The following CNTLN variants were observed in gnomAD, a reference collection of about 807,000 sequenced individuals.
The protein encoded by CNTLN is centlein.
In CNTLN, 212 loss-of-function variants were observed where a neutral mutation model predicts 180.0. That is an observed-to-expected ratio of 1.18 (90% CI 1.05 to 1.32). The LOEUF is 1.32. Ranked by LOEUF, CNTLN falls within the 40% of genes most tolerant of loss-of-function variation. CNTLN has a pLI of 0.00. For synonymous variants in CNTLN, 722 were observed against 563.1 expected, an observed-to-expected ratio of 1.28 and a Z score of -3.99; for missense variants, 2,095 against 1,610.9, an observed-to-expected ratio of 1.30 and a Z score of -5.14.
chr9:17,441,285 C>A (rs1830092620), intron 18 of CNTLN, among the ~76,000 whole-genome samples: 1 of 152,026 alleles, frequency 6.6e-6, no homozygotes, highest in Non-Finnish European at 1.5e-5. Flanking sequence ...ATAAAGGTCA[C>A]TGGTAAAGGT....
At chr9:17,296,350 T>G (rs1817935413) in intron 6 of CNTLN, among the ~76,000 whole-genome samples, 1 of 152,110 alleles carries the variant, frequency 6.6e-6, no homozygotes, top group South Asian at 2.1e-4. Context: ...GATACATATA[T>G]TTTGTTGTAC....
chr9:17,460,735 C>T (rs999610900), intron 19 of CNTLN, among the ~76,000 whole-genome samples: 1 of 151,690 alleles, frequency 6.6e-6, no homozygotes, highest in African/African-American at 2.4e-5. Flanking sequence ...CATAATACAG[C>T]CTTAAGTCTA....
chr9:17,394,401 C>G (rs1826332160), intron 14 of CNTLN, 133 bp from the exon 15 acceptor site: 3 of 740,886 alleles, frequency 4.0e-6, no homozygotes, highest in Admixed American at 3.7e-5. Context: ...TTAGAATTAT[C>G]TAGAAATTAA....
At chr9:17,447,829 G>A (rs1222664980) in intron 18 of CNTLN, 1 of 153,078 alleles carries the variant, frequency 6.5e-6, no homozygotes, top group Non-Finnish European at 1.5e-5. Context: ...CTGTCCTTAA[G>A]TGACAGCCCA....
chr9:17,235,533 G>A (rs969445402), intron 3 of CNTLN, 125 bp from the exon 4 acceptor site: 7 of 746,638 alleles, frequency 9.4e-6, no homozygotes, highest in South Asian at 1.9e-5. Flanking sequence ...GAATTGTGGT[G>A]ACAGACATTA....
Position 17,409,438 on chromosome 9 carries a change from C to T in CNTLN, c.2761C>T (p.Gln921Ter). 1 of 1,608,756 alleles carries T rather than the reference C, an allele frequency of 6.2e-7. No individual in the cohort carries two copies. Among genetic ancestry groups the T allele is most frequent in the South Asian group, 1.1e-5 (1 of 89,918 alleles). Residue 921 changes from glutamine to a stop codon, truncating the protein, a stop_gained, in exon 16 of 26, where the codon CAG becomes TAG. Coordinates refer to ENST00000380647, the MANE Select transcript of CNTLN (RefSeq NM_017738.4). LOFTEE classifies it high-confidence loss of function. ...CCAAACACAAGGAAAAGAAATAGTA[C>T]AGACATATTTAAATATAGATGGCAA... ...DSQTQGKEIV[Q>*]TYLNIDGKTP... is the part of the protein sequence containing the mutation.
chr9:17,458,550 G>T (rs942507036), intron 19 of CNTLN, among the ~76,000 whole-genome samples: 4 of 151,922 alleles, frequency 2.6e-5, no homozygotes, highest in African/African-American at 9.7e-5. Context: ...GAGGGTATTG[G>T]AATACTATGT....
chr9:17,259,147 C>T (rs1347958371), intron 5 of CNTLN, among the ~76,000 whole-genome samples: 1 of 147,258 alleles, frequency 6.8e-6, no homozygotes, highest in Non-Finnish European at 1.5e-5. Context: ...AAATACGTCC[C>T]ATCAATACCT....
chr9:17,249,577 CTGATCTCA>C (rs1826015091), intron 5 of CNTLN, among the ~76,000 whole-genome samples: 1 of 151,994 alleles, frequency 6.6e-6, no homozygotes, highest in Non-Finnish European at 1.5e-5. Flanking sequence ...TCTTGATCTC[CTGATCTCA>C]TGATCTGCCT....
At chr9:17,369,125 TG>T (rs1214456113) in intron 13 of CNTLN, among the ~76,000 whole-genome samples, 1 of 151,788 alleles carries the variant, frequency 6.6e-6, no homozygotes, top group East Asian at 1.9e-4. Flanking sequence ...ATCATGGGGG[TG>T]GTTTCTCCCA....
At chr9:17,173,007 AT>A (rs138326619) in intron 2 of CNTLN, among the ~76,000 whole-genome samples, 14 of 152,298 alleles carry the variant, frequency 9.2e-5, no homozygotes, top group African/African-American at 3.4e-4. Flanking sequence ...ATTTCTACAA[AT>A]TTTTTGTGGA....
chr9:17,219,034 G>A (rs1823951462), intron 2 of CNTLN, among the ~76,000 whole-genome samples: 1 of 152,164 alleles, frequency 6.6e-6, no homozygotes, highest in African/African-American at 2.4e-5. Flanking sequence ...TTGTTAAAAT[G>A]TTTAAATGGG....
chr9:17,275,717 T>C (rs1828267046), intron 6 of CNTLN, among the ~76,000 whole-genome samples: 1 of 152,138 alleles, frequency 6.6e-6, no homozygotes, highest in African/African-American at 2.4e-5. Context: ...AAATTTAGTG[T>C]ATTGCAAGAG....
chr9:17,483,160 C>G (rs925538904), intron 23 of CNTLN, among the ~76,000 whole-genome samples: 1 of 151,906 alleles, frequency 6.6e-6, no homozygotes, highest in African/African-American at 2.4e-5. Context: ...GTGAAGAACT[C>G]CTATAAATCC....
At chr9:17,136,624 G>A (rs1240248845) in intron 1 of CNTLN, among the ~76,000 whole-genome samples, 1 of 152,208 alleles carries the variant, frequency 6.6e-6, no homozygotes, top group African/African-American at 2.4e-5. Context: ...TTCTCTCATA[G>A]TTTGTTCTGT....
chr9:17,204,048 T>C (rs1273915202), intron 2 of CNTLN, among the ~76,000 whole-genome samples: 2 of 152,234 alleles, frequency 1.3e-5, no homozygotes, highest in Non-Finnish European at 2.9e-5. Context: ...GTTATTCTAG[T>C]TAGCAGTTTT....
chr9:17,138,257 G>A (rs1441012382), intron 1 of CNTLN, among the ~76,000 whole-genome samples: 1 of 152,110 alleles, frequency 6.6e-6, no homozygotes, highest in Non-Finnish European at 1.5e-5. Flanking sequence ...AGAAAAAAGT[G>A]TTATGTTTAC....
At chr9:17,280,276 A>C (rs1030474044) in intron 6 of CNTLN, among the ~76,000 whole-genome samples, 2 of 152,124 alleles carry the variant, frequency 1.3e-5, no homozygotes, top group African/African-American at 4.8e-5. Context: ...TTCTCTTTCA[A>C]CTAACCTAGA....
chr9:17,284,231 G>C (rs996156548), intron 6 of CNTLN, among the ~76,000 whole-genome samples: 2 of 152,086 alleles, frequency 1.3e-5, no homozygotes, highest in South Asian at 2.1e-4. Flanking sequence ...TTGGCCTGAA[G>C]TTTTTATTTT....
Sources: gnomAD v4.1 joint callset for allele counts (sites outside exome capture counted in the v4.1 genomes callset) on GRCh38, gnomAD v4.1.1 for gene constraint, MANE v1.5 for transcripts, NCBI Gene and HGNC (gene_info 2026-07-23, HGNC 2026-07-21) for gene names.